Variants in ZNF227 observed in about 807,000 individuals in gnomAD.
ZNF227 encodes the protein zinc finger protein 227.
Under a neutral mutation model 13.2 loss-of-function variants are expected in ZNF227, and 12 were observed. The ratio of observed to expected loss-of-function variants is 0.91; its 90% CI spans 0.58 to 1.47. The LOEUF (loss-of-function observed/expected upper bound fraction) is 1.47, where lower values mean the gene tolerates loss of function less well. ZNF227 is among the 40% of genes most tolerant of loss of function. The probability of loss-of-function intolerance (pLI) is 0.00; values close to 1 mark genes in which losing one functional copy is unlikely to be tolerated. For missense variants in ZNF227, 885 were observed against 967.5 expected (o/e 0.91, Z 1.13); for synonymous variants, 338 against 326.0 (o/e 1.04, Z -0.40).
rs1195561542 is a variant in ZNF227 at position 44,236,668 on chromosome 19, T to A, written c.2238T>A (p.Cys746Ter). Residue 746 changes from cysteine (C) to a stop codon, truncating the protein, a stop_gained, in exon 6 of 6, where the codon TGT (cysteine) becomes TGA (stop). Transcript: ENST00000313040. LOFTEE classifies it low-confidence loss of function (END_TRUNC). ...ACACCAGGGAAAAACTCTTTAAATG[T>A]GAAGAGTGTGGTAAAGGCTTCAGTC... Reference protein sequence around the residue: ...GVHTREKLFKCEECGKGFSQS... With the variant: ...GVHTREKLFK 4 of 1,613,892 alleles carry A rather than the reference T, an allele frequency of 2.5e-6. No homozygotes were observed. Among genetic ancestry groups the A allele is most frequent in the Non-Finnish European group, 3.4e-6 (4 of 1,179,992 alleles).
rs1974271005 is a variant in ZNF227, at chr19:44,234,971, A to G, written c.541A>G (p.Thr181Ala). Reference sequence around the variant, plus strand: ...GAGAACCCAGCATTCTTGCGGGAATACATATCTGAGTGAGTCACAGATTCA... The same window carrying G: ...GAGAACCCAGCATTCTTGCGGGAATGCATATCTGAGTGAGTCACAGATTCA... ...FWRTQHSCGN[T>A]YLSESQIQSR... The change falls in exon 6 of 6, where the codon ACA (threonine) becomes GCA (alanine). Residue 181 changes from threonine (T) to alanine (A), a missense_variant. By Grantham distance (58) the Thr-to-Ala change is moderately conservative. Transcript: ENST00000313040. 1 of 1,614,046 alleles carries G rather than the reference A, an allele frequency of 6.2e-7. No individual in the cohort carries two copies. Among genetic ancestry groups the G allele is most frequent in the Non-Finnish European group, 8.5e-7 (1 of 1,180,042 alleles).
rs1312475981 is a variant in ZNF227 at position 44,228,502 on chromosome 19, G to C, written c.117G>C (p.Leu39=). 2.1e-5 allele frequency: 34 copies of C among 1,613,834 alleles called. No homozygotes were observed. The highest frequency in any genetic ancestry group is 2.9e-5 in the Non-Finnish European group (34 of 1,179,996). ...AVVFSREELR[L]LDLTQRKLYR... ...TCTTCTCCAGGGAGGAACTGCGACT[G>C]CTCGATCTTACCCAGAGGAAGCTGT... Residue 39 remains leucine (L), a synonymous_variant, in exon 4 of 6, where the codon CTG becomes CTC. Coordinates refer to ENST00000313040, the MANE Select transcript of ZNF227 (RefSeq NM_182490.3).
chr19:44,209,265 G>A (rs545925909), upstream of ZNF227, among the ~76,000 whole-genome samples: 18 of 152,226 alleles, frequency 1.2e-4, no homozygotes, highest in South Asian at 3.7e-3. Context: ...TAAACATTTT[G>A]TCTATCTTAT....
chr19:44,233,895 T>TA (rs1568613246), intron 5 of ZNF227, among the ~76,000 whole-genome samples: 91 of 151,278 alleles, frequency 6.0e-4, no homozygotes, highest in African/African-American at 2.1e-3. Context: ...ACGCTGTTTT[T>TA]TAAAAAAAAA....
At chr19:44,234,468 G>A (rs1219417088) in intron 5 of ZNF227, among the ~76,000 whole-genome samples, 1 of 152,096 alleles carries the variant, frequency 6.6e-6, no homozygotes, top group African/African-American at 2.4e-5. Context: ...TTAGACTTAC[G>A]GTTCTACATG....
chr19:44,216,248 C>T (rs1257959464), intron 2 of ZNF227, among the ~76,000 whole-genome samples: 3 of 151,272 alleles, frequency 2.0e-5, no homozygotes, highest in Admixed American at 6.6e-5. Context: ...GTTTCTTTCT[C>T]ATGTAAATAA....
In ZNF227 at chr19:44,235,993, G is replaced by C. The variant is rs770327766; in HGVS notation, c.1563G>C (p.Lys521Asn). Residue 521 changes from lysine (K) to asparagine (N), a missense_variant, in exon 6 of 6, where the codon AAG becomes AAC. Coordinates refer to ENST00000313040, the MANE Select transcript of ZNF227 (RefSeq NM_182490.3). ...TCCACACTGGGGAGAAACGATTCAAGTGTGAAACGTGTGGGAAGGGCTTCA... is the reference window on the plus strand; with the variant it reads ...TCCACACTGGGGAGAAACGATTCAACTGTGAAACGTGTGGGAAGGGCTTCA... ...QNVHTGEKRF[K>N]CETCGKGFSQ... 1.2e-6 allele frequency: 2 copies of C among 1,612,780 alleles called. No individual in the cohort carries two copies. Among genetic ancestry groups the C allele is most frequent in the Non-Finnish European group, 1.7e-6 (2 of 1,179,724 alleles).
intron 3 of ZNF227, among the ~76,000 whole-genome samples, chr19:44,226,209 A>C (rs1249512705): frequency 6.6e-6 from 1 of 152,188 alleles, no homozygotes; most frequent in Admixed American, 6.5e-5. Context: ...GGTGTCTCCC[A>C]GTTAGGCTGC....
chr19:44,214,141 T>G (rs1971601453), intron 2 of ZNF227, among the ~76,000 whole-genome samples: 1 of 152,162 alleles, frequency 6.6e-6, no homozygotes, highest in African/African-American at 2.4e-5. Flanking sequence ...CCTATTTTTG[T>G]TTTTGTTTTT....
intron 3 of ZNF227, 34 bp from the exon 4 acceptor site, chr19:44,228,412 G>T (rs780740857): frequency 6.3e-7 from 1 of 1,592,118 alleles, no homozygotes; most frequent in Non-Finnish European, 8.5e-7. Flanking sequence ...AAGGTTGGTT[G>T]TAAGATTGAG....
chr19:44,230,791 G>A (rs766423582), intron 5 of ZNF227, among the ~76,000 whole-genome samples: 44 of 150,600 alleles, frequency 2.9e-4, no homozygotes, highest in Non-Finnish European at 4.4e-4. Flanking sequence ...TTAAAAGTAA[G>A]CTGGGTATGG....
intron 5 of ZNF227, among the ~76,000 whole-genome samples, chr19:44,230,926 A>AATATATATATATATATATAT (rs58952117): frequency 2.9e-5 from 2 of 68,112 alleles, no homozygotes; most frequent in Admixed American, 2.2e-4. Flanking sequence ...AAAAAAAAAA[A>AATATATATATATATATATAT]ATATATATAT....
intron 3 of ZNF227, among the ~76,000 whole-genome samples, chr19:44,225,353 T>C (rs1293249227): frequency 1.3e-5 from 2 of 152,260 alleles, no homozygotes; most frequent in African/African-American, 2.4e-5. Context: ...GATAATATCC[T>C]GCAGAGTGTT....
chr19:44,209,710 C>T (rs1971294654), upstream of ZNF227, among the ~76,000 whole-genome samples: 2 of 152,230 alleles, frequency 1.3e-5, no homozygotes, highest in South Asian at 4.1e-4. Context: ...CCTCAGCCTC[C>T]TGAGTAGCTG....
upstream of ZNF227, chr19:44,212,515 A>G (rs547041848): frequency 6.6e-6 from 1 of 152,176 alleles, no homozygotes; most frequent in African/African-American, 2.4e-5. Flanking sequence ...AGGGTAGTTC[A>G]GGAGCTCTGG....
chr19:44,235,260 G>C lies in ZNF227; in HGVS notation c.830G>C (p.Cys277Ser), dbSNP rs767403472. ...CCGAATGTTCATACAGGAGAAAAATGCTTCAGTCAAAGCTCACATCTGCGA... is the reference window on the plus strand; with the variant it reads ...CCGAATGTTCATACAGGAGAAAAATCCTTCAGTCAAAGCTCACATCTGCGA... ...LHPNVHTGEK[C>S]FSQSSHLRTH... Residue 277 changes from cysteine (C) to serine (S), a missense_variant, in exon 6 of 6, where the codon TGC becomes TCC. Transcript: ENST00000313040. 88 of 1,614,032 alleles carry C rather than the reference G, an allele frequency of 5.5e-5. No individual in the cohort carries two copies. Among genetic ancestry groups the C allele is most frequent in the Non-Finnish European group, 7.3e-5 (86 of 1,179,998 alleles).
rs1372872592 is a variant in ZNF227, at chr19:44,235,527, A to G, written c.1097A>G (p.Asn366Ser). Residue 366 changes from asparagine to serine, a missense_variant, in exon 6 of 6, where the codon AAT (asparagine) becomes AGT (serine). By Grantham distance (46) the Asn-to-Ser change is conservative. Coordinates refer to ENST00000313040, the MANE Select transcript of ZNF227 (RefSeq NM_182490.3). ...GGTAAATGCTTTAGTCAAAGTTCAA[A>G]TTTTCAGTGCCATCAGAGAGTCCAC... ...ECGKCFSQSS[N>S]FQCHQRVHTE... is the part of the protein sequence containing the mutation. 6.2e-7 allele frequency: 1 copy of G among 1,614,180 alleles called. No homozygotes were observed. The highest frequency in any genetic ancestry group is 1.7e-5 in the Admixed American group (1 of 60,024).
chr19:44,216,281 C>G (rs907392201), intron 2 of ZNF227, among the ~76,000 whole-genome samples: 5 of 151,466 alleles, frequency 3.3e-5, no homozygotes, highest in African/African-American at 1.2e-4. Flanking sequence ...ACATAGAATT[C>G]AGGTTGACAG....
rs754223119 is a variant in ZNF227, at chr19:44,235,188, G to T, written c.758G>T (p.Gly253Val). 1 of 1,614,070 alleles carries T rather than the reference G, an allele frequency of 6.2e-7. No homozygotes were observed. Among genetic ancestry groups the T allele is most frequent in the Non-Finnish European group, 8.5e-7 (1 of 1,180,030 alleles). Residue 253 changes from glycine (G) to valine (V), a missense_variant, in exon 6 of 6, where the codon GGT (glycine) becomes GTT (valine). Gly to Val is a moderately radical substitution (Grantham distance 109, BLOSUM62 -3). Transcript: ENST00000313040. ...LPLGEKPHPCGECGRGFSYSP... is the reference protein window; with the variant it reads ...LPLGEKPHPCVECGRGFSYSP... ...TTAGGAGAGAAACCCCATCCATGTGGTGAGTGTGGAAGGGGCTTCAGTTAT... is the reference window on the plus strand; with the variant it reads ...TTAGGAGAGAAACCCCATCCATGTGTTGAGTGTGGAAGGGGCTTCAGTTAT...
Sources: allele counts gnomAD v4.1 joint callset (sites outside exome capture counted in the v4.1 genomes callset), GRCh38; gene constraint gnomAD v4.1.1; transcripts MANE v1.5; gene names NCBI Gene and HGNC (gene_info 2026-07-23, HGNC 2026-07-21).